PDE4D: variants seen among roughly 807,000 people sequenced by gnomAD.
PDE4D encodes 3',5'-cyclic-AMP phosphodiesterase 4D.
PDE4D carries 24 observed loss-of-function variants against 87.4 expected under a neutral mutation model. The ratio of observed to expected loss-of-function variants is 0.27; its 90% CI spans 0.20 to 0.39. The LOEUF (loss-of-function observed/expected upper bound fraction) is 0.39. Ranked by LOEUF, PDE4D falls within the 10% of genes least tolerant of loss-of-function variation. The pLI is 1.00. For missense variants in PDE4D, 714 were observed against 1,041.0 expected, an observed-to-expected ratio of 0.69 and a Z score of 4.32; for synonymous variants, 384 against 383.2, an observed-to-expected ratio of 1.00 and a Z score of -0.02.
chr5:59,506,750 A>G (rs1809340786), intron 1 of PDE4D, among the ~76,000 whole-genome samples: 3 of 152,200 alleles, frequency 2.0e-5, no homozygotes, highest in Admixed American at 1.3e-4. Flanking sequence ...ATAACACTAC[A>G]TATTACTCAA....
chr5:59,847,303 C>T (rs16890284), intron 1 of PDE4D, among the ~76,000 whole-genome samples: 14,069 of 151,960 alleles, frequency 0.093, 2,020 homozygotes, highest in African/African-American at 0.31. Context: ...CATGAACCTG[C>T]GGAGTAGGTC....
chr5:59,073,280 T>C (rs934588605), intron 5 of PDE4D, among the ~76,000 whole-genome samples: 4 of 152,110 alleles, frequency 2.6e-5, no homozygotes, highest in Non-Finnish European at 5.9e-5. Flanking sequence ...TCACTTGACC[T>C]GCTAAGCTGG....
At chr5:59,048,299 T>A (rs1410467782) in intron 5 of PDE4D, among the ~76,000 whole-genome samples, 1 of 152,250 alleles carries the variant, frequency 6.6e-6, no homozygotes, top group Non-Finnish European at 1.5e-5. Context: ...CAATTTTATT[T>A]CCCTGGGGGG....
intron 1 of PDE4D, among the ~76,000 whole-genome samples, chr5:60,336,474 C>A (rs184660658): frequency 6.6e-6 from 1 of 152,204 alleles, no homozygotes; most frequent in African/African-American, 2.4e-5. Flanking sequence ...CCACATCCAC[C>A]TATTTCAGGG....
chr5:59,966,480 T>A (rs2152814293), intron 3 of PDE4D, among the ~76,000 whole-genome samples: 1 of 152,326 alleles, frequency 6.6e-6, no homozygotes, highest in South Asian at 2.1e-4. Flanking sequence ...TGCTTGTGCA[T>A]ACAAAATGCT....
Position 59,105,686 on chromosome 5 carries a change from C to G in PDE4D, c.809-66715G>C, listed in dbSNP as rs181383379. 3.3e-4 allele frequency among the ~76,000 whole-genome samples: 51 copies of G among 152,308 alleles called. No homozygotes were observed. In the East Asian group the frequency reaches 9.2e-3, roughly 28 times the overall value. ...GAAAGTGGGGTATTAGATGCACCAG[C>G]TTTGTGCTTCTTAAGCTTTAAATAT... is the stretch of plus-strand genomic sequence containing the variant. On this transcript the variant is annotated intron_variant, in intron 5 of 14. Transcript: ENST00000340635.
At chr5:59,723,756 G>T (rs1356314534) in intron 1 of PDE4D, among the ~76,000 whole-genome samples, 9 of 152,128 alleles carry the variant, frequency 5.9e-5, no homozygotes, top group Admixed American at 5.9e-4. Context: ...CCCACGTAAG[G>T]AGTTGTCCAA....
chr5:60,042,024 C>T (rs1768574661), intron 2 of PDE4D, among the ~76,000 whole-genome samples: 1 of 152,072 alleles, frequency 6.6e-6, no homozygotes, highest in Non-Finnish European at 1.5e-5. Flanking sequence ...CGGATCCCAC[C>T]CCTGTGGAGC....
chr5:60,082,982 T>A (rs1199947527), intron 2 of PDE4D, among the ~76,000 whole-genome samples: 1 of 152,168 alleles, frequency 6.6e-6, no homozygotes, highest in African/African-American at 2.4e-5. Context: ...CCTCCCTCCA[T>A]CTGAGGTAGC....
intron 1 of PDE4D, among the ~76,000 whole-genome samples, chr5:60,441,613 T>C (rs1021330548): frequency 6.6e-6 from 1 of 152,206 alleles, no homozygotes; most frequent in Non-Finnish European, 1.5e-5. Context: ...AAAGAGCTTC[T>C]GCACAGCAAA....
At chr5:59,552,433 G>A (rs1472748336) in intron 1 of PDE4D, among the ~76,000 whole-genome samples, 1 of 151,972 alleles carries the variant, frequency 6.6e-6, no homozygotes, top group Non-Finnish European at 1.5e-5. Context: ...TATGTTTCAA[G>A]TTGTTGTACT....
intron 1 of PDE4D, among the ~76,000 whole-genome samples, chr5:59,576,524 C>T (rs145962328): frequency 1.1e-3 from 165 of 152,094 alleles, no homozygotes; most frequent in Admixed American, 3.1e-3. Flanking sequence ...CTTTTCTGTA[C>T]ACATAATTAT....
At chr5:59,883,787 G>A (rs556520120) in intron 1 of PDE4D, among the ~76,000 whole-genome samples, 7 of 152,156 alleles carry the variant, frequency 4.6e-5, no homozygotes, top group Non-Finnish European at 8.8e-5. Context: ...TCTGTGACTC[G>A]TTTCTAGCAA....
chr5:60,253,158 C>T (rs1418990216), intron 1 of PDE4D, among the ~76,000 whole-genome samples: 1 of 151,948 alleles, frequency 6.6e-6, no homozygotes, highest in East Asian at 1.9e-4. Flanking sequence ...GCCCACGGTT[C>T]TGCTGACGGC....
intron 1 of PDE4D, among the ~76,000 whole-genome samples, chr5:59,572,470 G>GTTTTGT (rs527505513): frequency 0.017 from 2,605 of 149,298 alleles, 85 homozygotes; most frequent in African/African-American, 0.062. Context: ...GTTTTGTTTT[G>GTTTTGT]TTTTGTTTTT....
intron 5 of PDE4D, among the ~76,000 whole-genome samples, chr5:59,086,100 C>T (rs1767631602): frequency 6.6e-6 from 1 of 152,230 alleles, no homozygotes; most frequent in East Asian, 1.9e-4. Flanking sequence ...AGGAGAAAAT[C>T]GAGGCTTTAG....
At chr5:60,345,926 A>G (rs1758714285) in intron 1 of PDE4D, among the ~76,000 whole-genome samples, 1 of 152,154 alleles carries the variant, frequency 6.6e-6, no homozygotes, top group Non-Finnish European at 1.5e-5. Context: ...TGATAAAATC[A>G]CTGAAGCATT....
In PDE4D at chr5:60,089,413, G is replaced by A. The variant is rs370422472; in HGVS notation, c.42+96144C>T. Among the ~76,000 whole-genome samples the A allele has an allele frequency of 7.9e-5, 12 of 151,940 alleles. 1 individual carries two copies. The highest frequency in any genetic ancestry group is 2.6e-4 in the African/African-American group (11 of 41,510). Reference sequence around the variant, plus strand: ...ACATTGGAAACTGTACAAATCCATGGAAAGAAAACAACATGCTACTGAAAA... The same window carrying A: ...ACATTGGAAACTGTACAAATCCATGAAAAGAAAACAACATGCTACTGAAAA... On this transcript the variant is annotated intron_variant, in intron 2 of 16. Transcript: ENST00000502484.
At chr5:59,330,288 G>A (rs1310545048) in intron 1 of PDE4D, among the ~76,000 whole-genome samples, 1 of 152,130 alleles carries the variant, frequency 6.6e-6, no homozygotes, top group African/African-American at 2.4e-5. Flanking sequence ...ACCTGGTACA[G>A]AAGTGAAATA....
Sources: allele counts gnomAD v4.1 joint callset (sites outside exome capture counted in the v4.1 genomes callset), GRCh38; gene constraint gnomAD v4.1.1; transcripts MANE v1.5; gene names NCBI Gene and HGNC (gene_info 2026-07-23, HGNC 2026-07-21).